The following KIRREL3 variants were observed in gnomAD, a reference collection of about 807,000 sequenced individuals.
KIRREL3 encodes kirre like nephrin family adhesion molecule 3.
Under a neutral mutation model 89.7 loss-of-function variants are expected in KIRREL3, and 36 were observed. That is an observed-to-expected ratio of 0.40 (90% confidence interval 0.31 to 0.53). The LOEUF (loss-of-function observed/expected upper bound fraction) is 0.53, where lower values mean the gene tolerates loss of function less well. Ranked by LOEUF, KIRREL3 falls within the 20% of genes least tolerant of loss-of-function variation. KIRREL3 has a pLI of 0.49. For synonymous variants in KIRREL3, 445 were observed against 441.4 expected, an observed-to-expected ratio of 1.01 and a Z score of -0.10; for missense variants, 864 against 1,056.6, an observed-to-expected ratio of 0.82 and a Z score of 2.53.
rs1418763289 is a variant in KIRREL3 at position 126,687,820 on chromosome 11, G to T, written c.56-124908C>A. ...CAGGCAAAGAGAGATGCGGTGAAAT[G>T]GCCATGGGAGCACAGCCTTGAAGAG... On this transcript the variant is annotated intron_variant, in intron 1 of 16. Transcript: ENST00000525144. The surrounding 1 kb of genome is among the most constrained non-coding windows in gnomAD (Gnocchi z 4.6). Among the ~76,000 whole-genome samples, 2 of 152,230 alleles carry T rather than the reference G, an allele frequency of 1.3e-5. No individual in the cohort carries two copies. Among genetic ancestry groups the T allele is most frequent in the African/African-American group, 4.8e-5 (2 of 41,458 alleles).
At chr11:126,907,713 G>A (rs190941931) in intron 1 of KIRREL3, among the ~76,000 whole-genome samples, 86 of 152,282 alleles carry the variant, frequency 5.6e-4, no homozygotes, top group African/African-American at 1.9e-3. Flanking sequence ...CTTGAGGACA[G>A]GAAATGAGAC....
intron 4 of KIRREL3, among the ~76,000 whole-genome samples, chr11:126,505,807 G>A (rs1328176688): frequency 2.0e-5 from 3 of 152,128 alleles, no homozygotes; most frequent in East Asian, 1.9e-4. Context: ...AATTGAAGAC[G>A]TAAAAAAATA....
Position 126,523,880 on chromosome 11 carries a change from G to A in KIRREL3, c.284-2416C>T, listed in dbSNP as rs926489452. Among the ~76,000 whole-genome samples, 1 of 152,158 alleles carries A rather than the reference G, an allele frequency of 6.6e-6. No homozygotes were observed. Among genetic ancestry groups the A allele is most frequent in the African/African-American group, 2.4e-5 (1 of 41,430 alleles). ...ATCAGCAGCAGGATTTTGCTCTCAC[G>A]AGCTGCTGAAAACATCAGTGATGGG... On this transcript the variant is annotated intron_variant, in intron 3 of 16. Transcript: ENST00000525144. The surrounding 1 kb of genome is among the most constrained non-coding windows in gnomAD (Gnocchi z 4.9).
chr11:126,988,094 T>C (rs1421411006), intron 1 of KIRREL3, among the ~76,000 whole-genome samples: 2 of 152,220 alleles, frequency 1.3e-5, no homozygotes, highest in East Asian at 3.8e-4. Flanking sequence ...CTGGAAAGTC[T>C]TTTTATGTAG....
intron 1 of KIRREL3, among the ~76,000 whole-genome samples, chr11:126,885,628 A>T (rs1243298559): frequency 6.6e-6 from 1 of 152,210 alleles, no homozygotes; most frequent in Non-Finnish European, 1.5e-5. Context: ...AGAAATGCTG[A>T]ATCTGCCTTA....
chr11:126,761,294 C>T lies in KIRREL3; in HGVS notation c.56-198382G>A, dbSNP rs1949660047. Among the ~76,000 whole-genome samples the T allele has an allele frequency of 6.6e-6, 1 of 152,220 alleles. No homozygotes were observed. Among genetic ancestry groups the T allele is most frequent in the Non-Finnish European group, 1.5e-5 (1 of 68,044 alleles). Reference sequence around the variant, plus strand: ...CACTCTGCCCAGGCAAAGGTATTCACAAACCTCCCTGGGGGCTCACCAGAG... The same window carrying T: ...CACTCTGCCCAGGCAAAGGTATTCATAAACCTCCCTGGGGGCTCACCAGAG... On this transcript the variant is annotated intron_variant, in intron 1 of 16. Transcript: ENST00000525144. The surrounding 1 kb of genome is among the most constrained non-coding windows in gnomAD (Gnocchi z 4.4).
intron 1 of KIRREL3, among the ~76,000 whole-genome samples, chr11:126,625,133 C>T (rs1359988546): frequency 6.6e-6 from 1 of 152,200 alleles, no homozygotes; most frequent in Non-Finnish European, 1.5e-5. Flanking sequence ...TTAACAGCGT[C>T]TACCCTGTGC....
chr11:126,662,564 T>C (rs1294735018), intron 1 of KIRREL3, among the ~76,000 whole-genome samples: 2 of 152,242 alleles, frequency 1.3e-5, no homozygotes, highest in Non-Finnish European at 2.9e-5. Context: ...TAGAACAAGT[T>C]AGCCAAACAC....
At chr11:126,681,708 G>T (rs936815262) in intron 1 of KIRREL3, 2 of 352,372 alleles carry the variant, frequency 5.7e-6, no homozygotes, top group African/African-American at 4.3e-5. Flanking sequence ...CTCGTGTATA[G>T]TAGGTGATCA....
chr11:126,769,513 G>C lies in KIRREL3; in HGVS notation c.56-206601C>G, dbSNP rs775867800. On this transcript the variant is annotated intron_variant, in intron 1 of 16. Transcript: ENST00000525144. The surrounding 1 kb of genome is among the most constrained non-coding windows in gnomAD (Gnocchi z 4.3). The stretch of plus-strand genomic sequence containing the variant: ...CTTCTCTCTAACAGTTAATGAGAAC[G>C]ATAGGTATTGATTTGCATATGATAT... Among the ~76,000 whole-genome samples, 4 of 152,218 alleles carry C rather than the reference G, an allele frequency of 2.6e-5. No individual in the cohort carries two copies. The highest frequency in any genetic ancestry group is 5.9e-5 in the Non-Finnish European group (4 of 68,040).
chr11:126,770,630 A>G (rs1949991145), intron 1 of KIRREL3, among the ~76,000 whole-genome samples: 1 of 151,922 alleles, frequency 6.6e-6, no homozygotes. Context: ...TGATATTTCC[A>G]CTCAGACACT....
Position 126,742,671 on chromosome 11 carries a change from G to A in KIRREL3, c.56-179759C>T, listed in dbSNP as rs1057476728. On this transcript the variant is annotated intron_variant, in intron 1 of 16. Transcript: ENST00000525144. The surrounding 1 kb of genome is among the most constrained non-coding windows in gnomAD (Gnocchi z 5.3). ...CATCAGCCTAGGTATGTCTAACTCC[G>A]AATTTTATTTTCTCTCAAATATATA... Among the ~76,000 whole-genome samples, 18 of 152,174 alleles carry A rather than the reference G, an allele frequency of 1.2e-4. No individual in the cohort carries two copies. The highest frequency in any genetic ancestry group is 2.2e-4 in the African/African-American group (9 of 41,446).
At position 126,781,739 on chromosome 11, in the gene KIRREL3, G is replaced by A. The variant is rs147922155; in HGVS notation, c.55+218716C>T. 7.4e-3 allele frequency among the ~76,000 whole-genome samples: 1,127 copies of A among 152,316 alleles called. 11 individuals are homozygous for A. Among genetic ancestry groups the A allele is most frequent in the South Asian group, 0.024 (118 of 4,820 alleles). On this transcript the variant is annotated intron_variant, in intron 1 of 16. Transcript: ENST00000525144. ...TCACGCAAGGACACCAAAGGGCTCTGTGGGCCACCCGGCTCACCCACTTTG... is the reference window on the plus strand; with the variant it reads ...TCACGCAAGGACACCAAAGGGCTCTATGGGCCACCCGGCTCACCCACTTTG...
rs1388776991 is a variant in KIRREL3 at position 126,486,640 on chromosome 11, G to T, written c.434-13174C>A. Among the ~76,000 whole-genome samples the T allele has an allele frequency of 6.6e-6, 1 of 152,192 alleles. No individual in the cohort carries two copies. The highest frequency in any genetic ancestry group is 1.5e-5 in the Non-Finnish European group (1 of 68,040). ...GGACTTGTATAATCCATGCTTCATG[G>T]TATGGTGGGCCCTTGCAGTAGCCTT... On this transcript the variant is annotated intron_variant, in intron 4 of 16. Transcript: ENST00000525144. The surrounding 1 kb of genome is among the most constrained non-coding windows in gnomAD (Gnocchi z 6.2).
At chr11:126,727,444 G>A (rs537611441) in intron 1 of KIRREL3, among the ~76,000 whole-genome samples, 1 of 152,334 alleles carries the variant, frequency 6.6e-6, no homozygotes, top group East Asian at 1.9e-4. Flanking sequence ...ATTCACAGTG[G>A]TCCCCTGGCT....
rs535218856 is a variant in KIRREL3, at chr11:126,978,755, C to T, written c.55+21700G>A. Among the ~76,000 whole-genome samples the T allele has an allele frequency of 2.6e-5, 4 of 152,302 alleles. No individual in the cohort carries two copies. The highest frequency in any genetic ancestry group is 1.9e-4 in the East Asian group (1 of 5,170). On this transcript the variant is annotated intron_variant, in intron 1 of 16. Transcript: ENST00000525144. The surrounding 1 kb of genome is among the most constrained non-coding windows in gnomAD (Gnocchi z 4.2). ...GGAGTTTCTCTGAGCTCTGTTCCCCCAAGGTGGGCTAGGCAACCCTAGTGT... is the reference window on the plus strand; with the variant it reads ...GGAGTTTCTCTGAGCTCTGTTCCCCTAAGGTGGGCTAGGCAACCCTAGTGT...
chr11:126,775,618 A>G (rs1354691374), intron 1 of KIRREL3, among the ~76,000 whole-genome samples: 2 of 152,180 alleles, frequency 1.3e-5, no homozygotes, highest in Non-Finnish European at 2.9e-5. Context: ...TTTAGGGCCT[A>G]TTAGCATTCC....
In KIRREL3 at chr11:126,763,977, C is replaced by T. The variant is rs186700929; in HGVS notation, c.56-201065G>A. On this transcript the variant is annotated intron_variant, in intron 1 of 16. Coordinates refer to ENST00000525144, the MANE Select transcript of KIRREL3 (RefSeq NM_032531.4). This position sits in a 1 kb window ranked among gnomAD's most constrained non-coding sequence, Gnocchi z 4.7. ...TTTTCCCCCACAACTCTGCATTCCC[C>T]TCCCCATCCACAGCATAGTTCTCCC... 1.2e-4 allele frequency among the ~76,000 whole-genome samples: 18 copies of T among 152,296 alleles called. No homozygotes were observed. The highest frequency in any genetic ancestry group is 4.3e-4 in the African/African-American group (18 of 41,548).
chr11:126,921,093 G>T (rs1652983141), intron 1 of KIRREL3, among the ~76,000 whole-genome samples: 1 of 152,150 alleles, frequency 6.6e-6, no homozygotes, highest in Non-Finnish European at 1.5e-5. Context: ...CAGGGGAAGG[G>T]CACATTCTCT....
Sources: allele counts gnomAD v4.1 joint callset (sites outside exome capture counted in the v4.1 genomes callset), GRCh38; gene constraint gnomAD v4.1.1; non-coding constraint Gnocchi (gnomAD v3.1); transcripts MANE v1.5; gene names NCBI Gene and HGNC (gene_info 2026-07-23, HGNC 2026-07-21).